TSR3: variants seen among roughly 807,000 people sequenced by gnomAD.
The protein encoded by TSR3 is 18S rRNA aminocarboxypropyltransferase.
Under a neutral mutation model 28.1 loss-of-function variants are expected in TSR3, and 31 were observed. The observed-to-expected ratio is 1.10, with a 90% confidence interval of 0.83 to 1.49. The LOEUF (loss-of-function observed/expected upper bound fraction) is 1.49. Among genes scored for constraint, TSR3 ranks in the 40% most tolerant of loss-of-function variants. The pLI, the probability that TSR3 is intolerant of heterozygous loss-of-function variation, is 0.00. For missense variants in TSR3, 511 were observed against 444.0 expected (o/e 1.15, Z -1.36); for synonymous variants, 219 against 197.2 (o/e 1.11, Z -0.93).
rs777432530 is a variant in TSR3 at position 1,350,046 on chromosome 16, G to A, written c.703+12C>T. The A allele has an allele frequency of 3.7e-5, 60 of 1,607,338 alleles. No individual in the cohort carries two copies. The highest frequency in any genetic ancestry group is 4.7e-5 in the Non-Finnish European group (55 of 1,176,168). On this transcript the variant is annotated intron_variant, in intron 4 of 5. Transcript: ENST00000007390. ...TTTGGAGGGCCTTGGTTCCCACCCC[G>A]CCAAGGCTCACCGATCTCCTCCTCC...
chr16:1,351,282 TGGATGTGGGTGC>T (rs2034670449), intron 2 of TSR3, 85 bp downstream of exon 2: 1 of 1,298,372 alleles, frequency 7.7e-7, no homozygotes, highest in African/African-American at 1.5e-5. Context: ...CACGTGGGTG[TGGATGTGGGTGC>T]GACATACAAG....
chr16:1,350,370 G>A (rs2034637760), intron 3 of TSR3, 136 bp from the exon 4 acceptor site: 1 of 979,742 alleles, frequency 1.0e-6, no homozygotes, highest in Admixed American at 2.9e-5. Flanking sequence ...ACAGTCCTGA[G>A]AACCCGTGCT....
At position 1,350,935 on chromosome 16, in the gene TSR3, G is replaced by T; in HGVS notation, c.398C>A (p.Pro133Gln). 1 of 1,612,856 alleles carries T rather than the reference G, an allele frequency of 6.2e-7. No homozygotes were observed. The highest frequency in any genetic ancestry group is 8.5e-7 in the Non-Finnish European group (1 of 1,179,976). Residue 133 changes from proline to glutamine, a missense_variant, in exon 3 of 6, where the codon CCG (proline) becomes CAG (glutamine). Coordinates refer to ENST00000007390, the MANE Select transcript of TSR3 (RefSeq NM_001001410.3). ...GTGGCTCCCTCGCATCTTCCCAAAC[G>T]GTGTCTCGTCCAGCCTGGCCCAGGA... is the stretch of plus-strand genomic sequence containing the variant. ...DCSWARLDET[P>Q]FGKMRGSHLR...
In TSR3 at chr16:1,351,415, C is replaced by T. The variant is rs1015532182; in HGVS notation, c.296G>A (p.Ser99Asn). 4.4e-6 allele frequency: 7 copies of T among 1,595,636 alleles called. No individual in the cohort carries two copies. Among genetic ancestry groups the T allele is most frequent in the African/African-American group, 1.3e-5 (1 of 74,806 alleles). Residue 99 changes from serine (S) to asparagine (N), a missense_variant, in exon 2 of 6, where the codon AGC (serine) becomes AAC (asparagine). Ser to Asn is a conservative substitution (Grantham distance 46, BLOSUM62 1). Transcript: ENST00000007390. Reference sequence around the variant, plus strand: ...GGACGCGTACTGCTTGCCCACGGGGCTCAGCACCAGACCGCCGAATCTGTG... The same window carrying T: ...GGACGCGTACTGCTTGCCCACGGGGTTCAGCACCAGACCGCCGAATCTGTG... ...LGHRFGGLVL[S>N]PVGKQYASPA... is the part of the protein sequence containing the mutation.
chr16:1,349,612 G>C lies in TSR3; in HGVS notation c.768-4C>G. On this transcript the variant is annotated splice_polypyrimidine_tract_variant and splice_region_variant and intron_variant, in intron 5 of 5. Transcript: ENST00000007390. ...GTCATCAGTGTCCGAGGGCAGCCTG[G>C]GAGAGGAGGGGGAGCACGTTCCCAA... 1 of 1,586,302 alleles carries C rather than the reference G, an allele frequency of 6.3e-7. No individual in the cohort carries two copies. The highest frequency in any genetic ancestry group is 8.6e-7 in the Non-Finnish European group (1 of 1,165,534).
rs774173965 is a variant in TSR3 at position 1,349,472 on chromosome 16, C to T, written c.904G>A (p.Val302Ile). ...TGCCGTTTCTTGATTCCTTTCCAAA[C>T]CTCAGCCGGGGCCCTGGCCTCAGCC... is the stretch of plus-strand genomic sequence containing the variant. ...RGAEARAPAE[V>I]WKGIKKRQRD Residue 302 changes from valine to isoleucine, a missense_variant, in exon 6 of 6, where the codon GTT becomes ATT. Transcript: ENST00000007390. The T allele has an allele frequency of 1.2e-6, 2 of 1,613,690 alleles. No homozygotes were observed. The highest frequency in any genetic ancestry group is 1.7e-6 in the Non-Finnish European group (2 of 1,179,904).
At chr16:1,350,728 C>T (rs986596374) in intron 3 of TSR3, 79 bp downstream of exon 3, 22 of 1,500,532 alleles carry the variant, frequency 1.5e-5, no homozygotes, top group Middle Eastern at 3.5e-4. Context: ...TGGGGTCTGT[C>T]GGCAGGAAAC....
chr16:1,351,473 G>A lies in TSR3; in HGVS notation c.238C>T (p.Arg80Cys), dbSNP rs1291221996. The change falls in exon 2 of 6, where the codon CGC becomes TGC. Residue 80 changes from arginine to cysteine, a missense_variant. Transcript: ENST00000007390. ...PRRCTGRKLA[R>C]LGLVRCLRLG... ...CGCAGGCAGCGCACCAGCCCCAGGC[G>A]GGCCAGCTTGCGGCCCGTGCAGCGC... The A allele has an allele frequency of 2.1e-5, 34 of 1,583,458 alleles. No homozygotes were observed. Among genetic ancestry groups the A allele is most frequent in the Non-Finnish European group, 2.7e-5 (32 of 1,173,248 alleles).
rs755806057 is a variant in TSR3, at chr16:1,349,371, T to C, written c.*66A>G. 20 of 1,563,860 alleles carry C rather than the reference T, an allele frequency of 1.3e-5. No homozygotes were observed. In the South Asian group the frequency reaches 1.7e-4, roughly 13 times the overall value. On this transcript the variant is annotated 3_prime_UTR_variant, in exon 6 of 6. Transcript: ENST00000007390. ...CAAAGAGCCGAGGCTGCCAGGCCCA[T>C]TTATGTCCCTCATGTCTCTAGATTT...
Position 1,350,792 on chromosome 16 carries a change from G to C in TSR3, c.526+15C>G, listed in dbSNP as rs370669665. The C allele has an allele frequency of 6.2e-7, 1 of 1,606,564 alleles. No individual in the cohort carries two copies. The highest frequency in any genetic ancestry group is 8.5e-7 in the Non-Finnish European group (1 of 1,175,078). On this transcript the variant is annotated intron_variant, in intron 3 of 5. Coordinates refer to ENST00000007390, the MANE Select transcript of TSR3 (RefSeq NM_001001410.3). ...AGGCCGCCGGGTCACACTGCTGTGG[G>C]GCCCCTGGACTCACCTACGATGCAG...
At position 1,350,789 on chromosome 16, in the gene TSR3, T is replaced by C. The variant is rs1396366969; in HGVS notation, c.526+18A>G. The stretch of plus-strand genomic sequence containing the variant: ...AGCAGGCCGCCGGGTCACACTGCTG[T>C]GGGGCCCCTGGACTCACCTACGATG... On this transcript the variant is annotated intron_variant, in intron 3 of 5. Coordinates refer to ENST00000007390, the MANE Select transcript of TSR3 (RefSeq NM_001001410.3). The C allele has an allele frequency of 6.2e-7, 1 of 1,606,450 alleles. No homozygotes were observed.
Position 1,350,828 on chromosome 16 carries a change from C to T in TSR3, c.505G>A (p.Ala169Thr). ...PYRLSCVEAFAATFCIVGFPD... is the reference protein window; with the variant it reads ...PYRLSCVEAFTATFCIVGFPD... ...TCACCTACGATGCAGAAGGTGGCAGCAAACGCTTCCACGCAGGAAAGTCTG... is the reference window on the plus strand; with the variant it reads ...TCACCTACGATGCAGAAGGTGGCAGTAAACGCTTCCACGCAGGAAAGTCTG... Residue 169 changes from alanine (A) to threonine (T), a missense_variant, in exon 3 of 6, where the codon GCT becomes ACT. Physicochemically the swap from Ala to Thr is moderately conservative, Grantham distance 58. Coordinates refer to ENST00000007390, the MANE Select transcript of TSR3 (RefSeq NM_001001410.3). 1.2e-6 allele frequency: 2 copies of T among 1,612,938 alleles called. No homozygotes were observed. The highest frequency in any genetic ancestry group is 2.2e-5 in the South Asian group (2 of 91,080).
In TSR3 at chr16:1,351,780, C is replaced by G; in HGVS notation, c.25G>C (p.Gly9Arg). ...GGGCGGCCGCCTTCCGCCCCCGGCC[C>G]GCGCGCTGCCCTCCTGCGGCCCATG... is the stretch of plus-strand genomic sequence containing the variant. Reference protein sequence around the residue: MGRRRAARGPGAEGGRPRH... With the variant: MGRRRAARRPGAEGGRPRH... Residue 9 changes from glycine (G) to arginine (R), a missense_variant, in exon 1 of 6, where the codon GGG becomes CGG. Coordinates refer to ENST00000007390, the MANE Select transcript of TSR3 (RefSeq NM_001001410.3). 3.0e-6 allele frequency: 4 copies of G among 1,342,122 alleles called. No homozygotes were observed. The South Asian group carries it at 7.5e-5, about 25-fold the overall frequency. 83.1% of individuals were successfully genotyped at this position (1,342,122 alleles called of 1,614,324 possible).
Position 1,349,473 on chromosome 16 carries a change from C to G in TSR3, c.903G>C (p.Glu301Asp). 6.2e-7 allele frequency: 1 copy of G among 1,613,702 alleles called. No individual in the cohort carries two copies. ...GCCGTTTCTTGATTCCTTTCCAAAC[C>G]TCAGCCGGGGCCCTGGCCTCAGCCC... ...GRGAEARAPA[E>D]VWKGIKKRQR... Residue 301 changes from glutamate to aspartate, a missense_variant, in exon 6 of 6, where the codon GAG (glutamate) becomes GAC (aspartate). Transcript: ENST00000007390.
chr16:1,350,025 GA>G, intron 4 of TSR3, 32 bp downstream of exon 4: 1 of 1,610,260 alleles, frequency 6.2e-7, no homozygotes, highest in South Asian at 1.1e-5. Flanking sequence ...CCAGGCTTTG[GA>G]GGGCCTTGGT....
chr16:1,351,874 C>G lies in TSR3; in HGVS notation c.-70G>C. The G allele has an allele frequency of 7.9e-7, 1 of 1,262,112 alleles. No homozygotes were observed. Among genetic ancestry groups the G allele is most frequent in the Non-Finnish European group, 9.9e-7 (1 of 1,008,750 alleles). The allele number at this position is 1,262,112 out of a possible 1,614,324, so 78.2% of individuals were successfully genotyped here. The stretch of plus-strand genomic sequence containing the variant: ...CCCCTCGGCCTCCCAATGGGCTGTG[C>G]GGCTGCCAGCGCTTGCGCCGGACGC... On this transcript the variant is annotated 5_prime_UTR_variant, in exon 1 of 6. Transcript: ENST00000007390.
chr16:1,351,385 G>A lies in TSR3; in HGVS notation c.326C>T (p.Ala109Val), dbSNP rs1452635948. 9 of 1,585,286 alleles carry A rather than the reference G, an allele frequency of 5.7e-6. No homozygotes were observed. The highest frequency in any genetic ancestry group is 7.7e-6 in the Non-Finnish European group (9 of 1,174,604). The change falls in exon 2 of 6, where the codon GCA becomes GTA. Residue 109 changes from alanine (A) to valine (V), a missense_variant. Physicochemically the swap from Ala to Val is moderately conservative, Grantham distance 64 (BLOSUM62 0). Transcript: ENST00000007390. ...SPVGKQYASP[A>V]DRQLVAQSGV... ...GCAGGCCTCCCGCGCCTACCTGTCT[G>A]CGGGGGACGCGTACTGCTTGCCCAC...
rs1336857651 is a variant in TSR3, at chr16:1,351,855, G to T, written c.-51C>A. The T allele has an allele frequency of 7.8e-7, 1 of 1,274,902 alleles. No individual in the cohort carries two copies. Among genetic ancestry groups the T allele is most frequent in the East Asian group, 3.3e-5 (1 of 30,670 alleles). 79.0% of individuals were successfully genotyped at this position (1,274,902 alleles called of 1,614,324 possible). On this transcript the variant is annotated 5_prime_UTR_variant, in exon 1 of 6. Coordinates refer to ENST00000007390, the MANE Select transcript of TSR3 (RefSeq NM_001001410.3). ...TCCCCACCCCACGGCCGCGCCCCTC[G>T]GCCTCCCAATGGGCTGTGCGGCTGC...
In TSR3 at chr16:1,350,096, A is replaced by C; in HGVS notation, c.665T>G (p.Leu222Trp). The C allele has an allele frequency of 3.7e-6, 6 of 1,610,348 alleles. No individual in the cohort carries two copies. Among genetic ancestry groups the C allele is most frequent in the Non-Finnish European group, 5.1e-6 (6 of 1,177,984 alleles). ...CTGGGGGCTCTCCTTGGCATTGGCC[A>C]AGAACTCCTGCTCCGCCTGCAGCAC... is the stretch of plus-strand genomic sequence containing the variant. ...EEVLQAEQEF[L>W]ANAKESPQEE... The change falls in exon 4 of 6, where the codon TTG (leucine) becomes TGG (tryptophan). Residue 222 changes from leucine (L) to tryptophan (W), a missense_variant. By Grantham distance (61) the Leu-to-Trp change is moderately conservative (BLOSUM62 -2). Transcript: ENST00000007390.
Sources: gnomAD v4.1 joint callset for allele counts on GRCh38, gnomAD v4.1.1 for gene constraint, MANE v1.5 for transcripts, NCBI Gene and HGNC (gene_info 2026-07-23, HGNC 2026-07-21) for gene names.